The following SORCS2 variants were observed in gnomAD, a reference collection of about 807,000 sequenced individuals.
SORCS2 encodes VPS10 domain-containing receptor SorCS2.
In SORCS2, 100 loss-of-function variants were observed where a neutral mutation model predicts 141.6. The observed-to-expected ratio is 0.71, with a 90% confidence interval of 0.60 to 0.83. The LOEUF is 0.83. Ranked by LOEUF, SORCS2 falls within the 40% of genes least tolerant of loss-of-function variation. SORCS2 has a pLI of 0.00. For synonymous variants in SORCS2, 789 were observed against 676.9 expected (o/e 1.17, Z -2.57); for missense variants, 1,646 against 1,560.2 (o/e 1.05, Z -0.93).
At chr4:7,558,049 G>A (rs35260897) in intron 3 of SORCS2, among the ~76,000 whole-genome samples, 21,063 of 152,180 alleles carry the variant, frequency 0.14, 1,464 homozygotes, top group Non-Finnish European at 0.16. Context: ...CACTAGAGCC[G>A]GAGGAGGTGT....
intron 1 of SORCS2, among the ~76,000 whole-genome samples, chr4:7,278,689 C>G (rs999525930): frequency 1.4e-4 from 21 of 152,246 alleles, no homozygotes; most frequent in Non-Finnish European, 8.8e-5. Context: ...ATGGGGCCAG[C>G]TGTCCTTGGA....
intron 3 of SORCS2, among the ~76,000 whole-genome samples, chr4:7,536,337 T>C: frequency 6.6e-6 from 1 of 152,246 alleles, no homozygotes; most frequent in Non-Finnish European, 1.5e-5. Flanking sequence ...TTGATAGTGG[T>C]CTTTGCAACA....
intron 1 of SORCS2, among the ~76,000 whole-genome samples, chr4:7,271,041 C>T (rs1384958354): frequency 2.0e-5 from 3 of 152,228 alleles, no homozygotes; most frequent in Non-Finnish European, 4.4e-5. Context: ...GGGGACATTT[C>T]CATGACAACC....
intron 1 of SORCS2, among the ~76,000 whole-genome samples, chr4:7,290,584 G>A (rs142861202): frequency 6.6e-6 from 1 of 152,208 alleles, no homozygotes; most frequent in Non-Finnish European, 1.5e-5. Context: ...AGGGTTTGCA[G>A]TGAACCATAC....
chr4:7,509,525 A>G (rs10015399), intron 2 of SORCS2, among the ~76,000 whole-genome samples: 4,003 of 151,816 alleles, frequency 0.026, 185 homozygotes, highest in African/African-American at 0.091. Context: ...ACTCACCCGC[A>G]CTCGCCACTC....
intron 4 of SORCS2, among the ~76,000 whole-genome samples, chr4:7,642,426 T>C (rs1346179281): frequency 1.3e-5 from 2 of 152,262 alleles, no homozygotes; most frequent in African/African-American, 2.4e-5. Flanking sequence ...TCTCAGTTAT[T>C]TGCTTTGGTT....
At chr4:7,440,247 T>TTGCAGGTAGGACCCTGACCTGGAGC (rs1727571372) in intron 2 of SORCS2, among the ~76,000 whole-genome samples, 1 of 151,738 alleles carries the variant, frequency 6.6e-6, no homozygotes, top group Non-Finnish European at 1.5e-5. Flanking sequence ...TGACCTGGAG[T>TTGCAGGTAGGACCCTGACCTGGAGC]CTGGGACCGG....
chr4:7,346,824 A>G (rs1720679058), intron 1 of SORCS2, among the ~76,000 whole-genome samples: 1 of 152,158 alleles, frequency 6.6e-6, no homozygotes, highest in East Asian at 1.9e-4. Context: ...AGACAATGCT[A>G]GTTTCTTCTA....
chr4:7,458,076 C>G (rs1729037031), intron 2 of SORCS2, among the ~76,000 whole-genome samples: 1 of 152,208 alleles, frequency 6.6e-6, no homozygotes, highest in Admixed American at 6.5e-5. Context: ...CAACTCCCCT[C>G]AGGGGTGCCA....
chr4:7,403,955 A>C (rs1264521892), intron 2 of SORCS2, among the ~76,000 whole-genome samples: 3 of 83,488 alleles, frequency 3.6e-5, no homozygotes, highest in African/African-American at 7.3e-5. Context: ...CTCTGCCTCC[A>C]TGTGTGTATA....
chr4:7,379,341 A>G (rs977657411), intron 1 of SORCS2, among the ~76,000 whole-genome samples: 5 of 152,068 alleles, frequency 3.3e-5, no homozygotes, highest in African/African-American at 1.2e-4. Context: ...TGCCTTGGGG[A>G]GCAAACACAG....
intron 1 of SORCS2, among the ~76,000 whole-genome samples, chr4:7,311,972 T>G (rs948560842): frequency 2.1e-4 from 32 of 152,020 alleles, no homozygotes; most frequent in African/African-American, 7.5e-4. Context: ...GCCTCCTGGG[T>G]TCAAGTGATT....
chr4:7,429,901 C>T (rs10021546), intron 2 of SORCS2, among the ~76,000 whole-genome samples: 22,715 of 152,200 alleles, frequency 0.15, 1,765 homozygotes, highest in Non-Finnish European at 0.18. Context: ...CCCTGTCTCA[C>T]GGTGACTGTG....
At chr4:7,593,389 C>T (rs1290825785) in intron 3 of SORCS2, among the ~76,000 whole-genome samples, 2 of 152,188 alleles carry the variant, frequency 1.3e-5, no homozygotes, top group South Asian at 2.1e-4. Context: ...GGTACTGTTG[C>T]AGTCTTCATT....
At chr4:7,683,200 C>A (rs1723641557) in intron 10 of SORCS2, among the ~76,000 whole-genome samples, 2 of 152,224 alleles carry the variant, frequency 1.3e-5, no homozygotes, top group Admixed American at 6.5e-5. Flanking sequence ...CTGATCTTGT[C>A]TGGGCTGAGC....
chr4:7,547,257 T>C (rs866960937), intron 3 of SORCS2, among the ~76,000 whole-genome samples: 21 of 152,272 alleles, frequency 1.4e-4, no homozygotes, highest in African/African-American at 5.1e-4. Context: ...CAGCCCACAC[T>C]ACCTTCGCTA....
intron 3 of SORCS2, among the ~76,000 whole-genome samples, chr4:7,543,307 TCATC>T (rs1712824890): frequency 6.6e-6 from 1 of 152,090 alleles, no homozygotes; most frequent in African/African-American, 2.4e-5. Context: ...ACTCATTCAT[TCATC>T]AGTCCACTAA....
chr4:7,409,292 A>G (rs1725159699), intron 2 of SORCS2, among the ~76,000 whole-genome samples: 2 of 152,154 alleles, frequency 1.3e-5, no homozygotes, highest in South Asian at 4.1e-4. Context: ...GTAGTAAAGG[A>G]CTGGAGTGCT....
chr4:7,720,060 C>G (rs143144881), intron 18 of SORCS2, among the ~76,000 whole-genome samples: 1 of 152,282 alleles, frequency 6.6e-6, no homozygotes, highest in African/African-American at 2.4e-5. Flanking sequence ...CACAAACACA[C>G]AGACACACAC....
Sources: gnomAD v4.1 joint callset for allele counts (sites outside exome capture counted in the v4.1 genomes callset) on GRCh38, gnomAD v4.1.1 for gene constraint, MANE v1.5 for transcripts, NCBI Gene and HGNC (gene_info 2026-07-23, HGNC 2026-07-21) for gene names.